Variants in TIMM23 observed in about 807,000 individuals in gnomAD.
TIMM23 encodes the protein translocase of inner mitochondrial membrane 23.
TIMM23 carries 19 observed loss-of-function variants against 30.7 expected under a neutral mutation model. That is an observed-to-expected ratio of 0.62 (90% CI 0.43 to 0.91). The LOEUF (loss-of-function observed/expected upper bound fraction) is 0.91. Among genes scored for constraint, TIMM23 ranks in the 40% least tolerant of loss-of-function variants. The probability of loss-of-function intolerance (pLI) is 0.00; values close to 1 mark genes in which losing one functional copy is unlikely to be tolerated. For missense variants in TIMM23, 202 were observed against 269.2 expected, an observed-to-expected ratio of 0.75 and a Z score of 1.75; for synonymous variants, 78 against 98.5, an observed-to-expected ratio of 0.79 and a Z score of 1.23.
intron 6 of TIMM23, among the ~76,000 whole-genome samples, chr10:45,997,499 GAA>G (rs1838380343): frequency 6.6e-6 from 1 of 152,192 alleles, no homozygotes; most frequent in African/African-American, 2.4e-5. Flanking sequence ...TTTGCAAGAT[GAA>G]AAGAGTCCTC....
At chr10:45,974,919 A>G (rs187475320) in intron 1 of TIMM23, among the ~76,000 whole-genome samples, 1 of 151,772 alleles carries the variant, frequency 6.6e-6, no homozygotes, top group Non-Finnish European at 1.5e-5. Context: ...TTTCTTTTGC[A>G]CAGACCCACA....
At chr10:45,985,315 T>C (rs1253999205) in intron 4 of TIMM23, 68 bp from the exon 5 acceptor site, 1 of 1,603,356 alleles carries the variant, frequency 6.2e-7, no homozygotes, top group Non-Finnish European at 8.5e-7. Context: ...ATAGCCATTA[T>C]TGTTTTTAAA....
intron 6 of TIMM23, among the ~76,000 whole-genome samples, chr10:46,000,631 A>G (rs1445312459): frequency 6.6e-6 from 1 of 152,232 alleles, no homozygotes; most frequent in Non-Finnish European, 1.5e-5. Flanking sequence ...AACTAATGTG[A>G]GAATCCTTCC....
intron 5 of TIMM23, among the ~76,000 whole-genome samples, chr10:45,987,864 T>G (rs1838042560): frequency 6.6e-6 from 1 of 152,066 alleles, no homozygotes; most frequent in African/African-American, 2.4e-5. Flanking sequence ...TCATGTGATC[T>G]TCCCACCTCG....
chr10:46,002,458 C>A (rs1435398606), intron 6 of TIMM23: 2 of 979,152 alleles, frequency 2.0e-6, no homozygotes, highest in Non-Finnish European at 2.4e-6. Flanking sequence ...TGTGAGCCAC[C>A]ATGCCTGGCC....
chr10:45,989,705 CA>C (rs1838099255), intron 6 of TIMM23, among the ~76,000 whole-genome samples: 3 of 152,166 alleles, frequency 2.0e-5, no homozygotes, highest in Middle Eastern at 3.2e-3. Context: ...CACACAAGGT[CA>C]AAGCCCAGGA....
chr10:45,973,594 A>T (rs1261539522), intron 1 of TIMM23, among the ~76,000 whole-genome samples: 1 of 152,150 alleles, frequency 6.6e-6, no homozygotes, highest in Non-Finnish European at 1.5e-5. Flanking sequence ...CCCTGGTGTC[A>T]CCTTTGTCAA....
At chr10:45,980,170 A>G (rs1401380348) in intron 2 of TIMM23, among the ~76,000 whole-genome samples, 1 of 151,314 alleles carries the variant, frequency 6.6e-6, no homozygotes, top group Non-Finnish European at 1.5e-5. Flanking sequence ...TACATTTTGT[A>G]AAACTTTTAT....
intron 4 of TIMM23, among the ~76,000 whole-genome samples, chr10:45,983,202 A>G (rs1436946794): frequency 6.6e-6 from 1 of 152,306 alleles, no homozygotes; most frequent in East Asian, 1.9e-4. Flanking sequence ...ACATTCTCCA[A>G]CCCTATGTGA....
At chr10:45,990,402 G>T (rs1473213294) in intron 6 of TIMM23, among the ~76,000 whole-genome samples, 1 of 151,182 alleles carries the variant, frequency 6.6e-6, no homozygotes, top group Non-Finnish European at 1.5e-5. Flanking sequence ...GATTACAGGC[G>T]TGAGCCACCA....
At chr10:45,990,817 T>G (rs1169152777) in intron 6 of TIMM23, 7 of 371,388 alleles carry the variant, frequency 1.9e-5, no homozygotes, top group Non-Finnish European at 3.1e-5. Context: ...GTCTGTTGAC[T>G]TCCAAGAGGA....
chr10:45,991,782 A>G (rs1303621096), intron 6 of TIMM23, among the ~76,000 whole-genome samples: 2 of 151,938 alleles, frequency 1.3e-5, no homozygotes, highest in African/African-American at 4.8e-5. Context: ...AAAGAAAAAA[A>G]TGATGATTGG....
Position 45,982,538 on chromosome 10 carries a change from A to C in TIMM23, c.181A>C (p.Ile61Leu). ...RYLVQDTDEF[I>L]LPTGANKTRG... ...ATCCTTTTAGGATACAGATGAGTTT[A>C]TTTTACCTACCGGAGCTAATAAAAC... Residue 61 changes from isoleucine to leucine, a missense_variant, in exon 3 of 7, where the codon ATT becomes CTT. Physicochemically the swap from Ile to Leu is conservative, Grantham distance 5. Coordinates refer to ENST00000580018, the MANE Select transcript of TIMM23 (RefSeq NM_006327.4). 2 of 1,613,898 alleles carry C rather than the reference A, an allele frequency of 1.2e-6. No homozygotes were observed. The highest frequency in any genetic ancestry group is 1.7e-6 in the Non-Finnish European group (2 of 1,179,842).
chr10:45,975,191 C>A (rs1471173307), intron 1 of TIMM23, among the ~76,000 whole-genome samples: 1 of 152,090 alleles, frequency 6.6e-6, no homozygotes, highest in Admixed American at 6.5e-5. Flanking sequence ...CCTGTAAGTT[C>A]AAAAATCAGA....
chr10:46,002,537 AAAT>A lies in TIMM23; in HGVS notation c.515-664_515-662del, dbSNP rs1838576568. ...TCCAAAGGTTGTTAATACTCTTTCC[AAAT>A]AGGGTGTCACCTTGTTTACATTACA... On this transcript the variant is annotated intron_variant, in intron 6 of 6. Coordinates refer to ENST00000580018, the MANE Select transcript of TIMM23 (RefSeq NM_006327.4). The A allele has an allele frequency of 1.1e-5, 11 of 977,440 alleles. 1 individual carries two copies. Among genetic ancestry groups the A allele is most frequent in the Middle Eastern group, 1.1e-3 (2 of 1,902 alleles). The allele number at this position is 977,440 out of a possible 1,614,324, so 60.5% of individuals were successfully genotyped here. A position where few individuals can be genotyped will look rare whatever the true frequency, so the allele number is the denominator to read the frequency against.
chr10:46,001,223 G>A (rs1272919019), intron 6 of TIMM23, among the ~76,000 whole-genome samples: 1 of 152,134 alleles, frequency 6.6e-6, no homozygotes, highest in East Asian at 1.9e-4. Flanking sequence ...GAATACAGTT[G>A]GAAGTTTAAT....
Position 45,972,742 on chromosome 10 carries a change from G to C in TIMM23, c.106+12G>C, listed in dbSNP as rs782268679. 1.2e-6 allele frequency: 2 copies of C among 1,613,500 alleles called. No homozygotes were observed. Among genetic ancestry groups the C allele is most frequent in the African/African-American group, 1.3e-5 (1 of 74,882 alleles). ...GGCTGGCGTCCCGCGTAAGTATGGG[G>C]CCTAGCTTGCGATTATTTCTGACTG... is the stretch of plus-strand genomic sequence containing the variant. On this transcript the variant is annotated intron_variant, in intron 1 of 6. Transcript: ENST00000580018.
At chr10:45,985,596 C>A (rs1273764603) in intron 5 of TIMM23, among the ~76,000 whole-genome samples, 155 bp downstream of exon 5, 1 of 152,126 alleles carries the variant, frequency 6.6e-6, no homozygotes, top group Non-Finnish European at 1.5e-5. Flanking sequence ...AGGGAAAGAC[C>A]ATGAACTAAC....
intron 4 of TIMM23, among the ~76,000 whole-genome samples, chr10:45,983,392 C>T (rs1257420033): frequency 6.6e-6 from 1 of 152,138 alleles, no homozygotes; most frequent in African/African-American, 2.4e-5. Flanking sequence ...GAGCCAGATA[C>T]ATTTTAAATA....
Sources: allele counts gnomAD v4.1 joint callset (sites outside exome capture counted in the v4.1 genomes callset), GRCh38; gene constraint gnomAD v4.1.1; transcripts MANE v1.5; gene names NCBI Gene and HGNC (gene_info 2026-07-23, HGNC 2026-07-21).